Variants in DNAJC18 observed in about 807,000 individuals in gnomAD.
DNAJC18 encodes dnaJ homolog subfamily C member 18.
DNAJC18 carries 40 observed loss-of-function variants against 48.6 expected under a neutral mutation model. That is an observed-to-expected ratio of 0.82 (90% CI 0.64 to 1.07). The LOEUF is 1.07. Ranked by LOEUF, DNAJC18 falls within the 50% of genes least tolerant of loss-of-function variation. The pLI, the probability that DNAJC18 is intolerant of heterozygous loss-of-function variation, is 0.00. For synonymous variants in DNAJC18, 135 were observed against 152.2 expected, an observed-to-expected ratio of 0.89 and a Z score of 0.83; for missense variants, 340 against 427.7, an observed-to-expected ratio of 0.79 and a Z score of 1.81.
chr5:139,426,457 G>T, intron 3 of DNAJC18, 100 bp from the exon 4 acceptor site: 1 of 1,406,856 alleles, frequency 7.1e-7, no homozygotes, highest in Non-Finnish European at 9.5e-7. Flanking sequence ...ACTCGTGCTG[G>T]ACAACTTCGC....
chr5:139,423,442 T>A (rs1408075595), intron 5 of DNAJC18, among the ~76,000 whole-genome samples: 1 of 150,360 alleles, frequency 6.7e-6, no homozygotes, highest in East Asian at 2.0e-4. Flanking sequence ...CAGGCTAGAG[T>A]ACAGTGACAC....
intron 3 of DNAJC18, 34 bp from the exon 4 acceptor site, chr5:139,426,391 A>C (rs768145785): frequency 6.2e-7 from 1 of 1,608,910 alleles, no homozygotes; most frequent in South Asian, 1.1e-5. Context: ...ATGAGGACAC[A>C]GTCTTTGCTA....
chr5:139,438,235 G>A (rs1479959000), intron 1 of DNAJC18, among the ~76,000 whole-genome samples: 1 of 151,352 alleles, frequency 6.6e-6, no homozygotes, highest in African/African-American at 2.4e-5. Context: ...AGAATGGCGT[G>A]AACCCGGGAG....
chr5:139,439,481 C>T lies in DNAJC18; in HGVS notation c.-36G>A. 1 of 1,613,776 alleles carries T rather than the reference C, an allele frequency of 6.2e-7. No homozygotes were observed. Among genetic ancestry groups the T allele is most frequent in the Non-Finnish European group, 8.5e-7 (1 of 1,179,966 alleles). On this transcript the variant is annotated 5_prime_UTR_variant, in exon 1 of 8. Transcript: ENST00000302060. The surrounding 1 kb of genome is among the most constrained non-coding windows in gnomAD (Gnocchi z 4.1). ...AATCAGCAGGTCCGCCGAGCCTCCC[C>T]CGTGCCCGAGGCTGAAAGAGAAGGG...
In DNAJC18 at chr5:139,410,320, T is replaced by C. The variant is rs1444554015; in HGVS notation, c.*3828A>G. The C allele has an allele frequency of 6.6e-6, 1 of 152,208 alleles. No homozygotes were observed. The highest frequency in any genetic ancestry group is 1.5e-5 in the Non-Finnish European group (1 of 68,034). The allele number at this position is 152,208 out of a possible 1,614,324, so 9.4% of individuals were successfully genotyped here. ...CTTAGTCCACCAGGAGCTGATTCCA[T>C]TTGTGTCATCCCTACTCTGGTCACA... On this transcript the variant is annotated 3_prime_UTR_variant, in exon 8 of 8. Coordinates refer to ENST00000302060, the MANE Select transcript of DNAJC18 (RefSeq NM_152686.4).
chr5:139,427,674 C>A (rs1403538175), intron 3 of DNAJC18, among the ~76,000 whole-genome samples: 1 of 152,214 alleles, frequency 6.6e-6, no homozygotes, highest in Non-Finnish European at 1.5e-5. Flanking sequence ...GATCACAACA[C>A]CATTATCACA....
intron 3 of DNAJC18, 111 bp from the exon 4 acceptor site, chr5:139,426,468 AG>A: frequency 7.6e-7 from 1 of 1,320,198 alleles, no homozygotes; most frequent in Non-Finnish European, 1.0e-6. Flanking sequence ...ACAACTTCGC[AG>A]GGGCCCAAGA....
rs201744345 is a variant in DNAJC18 at position 139,439,424 on chromosome 5, C to G, written c.22G>C (p.Gly8Arg). 7.4e-6 allele frequency: 12 copies of G among 1,613,808 alleles called. No homozygotes were observed. The African/African-American group carries it at 8.0e-5, about 11-fold the overall frequency. Residue 8 changes from glycine (G) to arginine (R), a missense_variant, in exon 1 of 8, where the codon GGG (glycine) becomes CGG (arginine). Gly to Arg is a moderately radical substitution (Grantham distance 125, BLOSUM62 -2). Coordinates refer to ENST00000302060, the MANE Select transcript of DNAJC18 (RefSeq NM_152686.4). The surrounding 1 kb of genome is among the most constrained non-coding windows in gnomAD (Gnocchi z 4.1). The part of the protein sequence containing the change: MAATLGS[G>R]ERWTEAYIDA... ...CTAGTACCTTCCGTCCAGCGCTCCCCGCTGCCCAGAGTCGCCGCCATATCG... is the reference window on the plus strand; with the variant it reads ...CTAGTACCTTCCGTCCAGCGCTCCCGGCTGCCCAGAGTCGCCGCCATATCG...
intron 1 of DNAJC18, among the ~76,000 whole-genome samples, chr5:139,438,657 G>A (rs1046152023): frequency 3.3e-5 from 5 of 152,188 alleles, no homozygotes; most frequent in African/African-American, 1.2e-4. Flanking sequence ...CTCCTGGACA[G>A]TCTTCCTCTA....
chr5:139,425,749 T>C (rs1759230689), intron 4 of DNAJC18, among the ~76,000 whole-genome samples: 1 of 152,232 alleles, frequency 6.6e-6, no homozygotes, highest in Non-Finnish European at 1.5e-5. Context: ...TATCTTTTAA[T>C]AGCAACTCAT....
intron 2 of DNAJC18, among the ~76,000 whole-genome samples, chr5:139,432,858 C>T (rs1194934840): frequency 6.6e-6 from 1 of 152,206 alleles, no homozygotes; most frequent in African/African-American, 2.4e-5. Context: ...ACTGCATTTG[C>T]ACAAAATAGC....
chr5:139,419,171 T>TCC (rs1015737123), intron 7 of DNAJC18: 39 of 445,956 alleles, frequency 8.7e-5, no homozygotes, highest in African/African-American at 7.3e-4. Flanking sequence ...AAAGGGTACC[T>TCC]CCTGAAAAAT....
Position 139,437,497 on chromosome 5 carries a change from G to C in DNAJC18, c.102C>G (p.Asp34Glu), listed in dbSNP as rs1319383795. The C allele has an allele frequency of 6.2e-7, 1 of 1,614,104 alleles. No individual in the cohort carries two copies. The highest frequency in any genetic ancestry group is 1.7e-5 in the Admixed American group (1 of 60,006). Residue 34 changes from aspartate (D) to glutamate (E), a missense_variant, in exon 2 of 8, where the codon GAC becomes GAG. Transcript: ENST00000302060. ...YPEDTPPESH[D>E]PCGCCNCMKA... ...TCATGCAGTTACAGCAGCCACAGGGGTCATGACTCTCAGGAGGTGTGTCTT... is the reference window on the plus strand; with the variant it reads ...TCATGCAGTTACAGCAGCCACAGGGCTCATGACTCTCAGGAGGTGTGTCTT...
intron 1 of DNAJC18, among the ~76,000 whole-genome samples, chr5:139,438,363 A>G (rs1441112585): frequency 6.6e-6 from 1 of 150,976 alleles, no homozygotes; most frequent in Non-Finnish European, 1.5e-5. Flanking sequence ...CAATTTTTTT[A>G]AAGTTCATTA....
In DNAJC18 at chr5:139,439,494, TGAAAGA is replaced by T. The variant is rs773033905; in HGVS notation, c.-55_-50del. On this transcript the variant is annotated 5_prime_UTR_variant, in exon 1 of 8. Coordinates refer to ENST00000302060, the MANE Select transcript of DNAJC18 (RefSeq NM_152686.4). This position sits in a 1 kb window ranked among gnomAD's most constrained non-coding sequence, Gnocchi z 4.1. ...GCCGAGCCTCCCCCGTGCCCGAGGC[TGAAAGA>T]GAAGGGGGCGCGGAGCGCGGGGCAC... 4.3e-6 allele frequency: 7 copies of T among 1,613,422 alleles called. No individual in the cohort carries two copies. In the African/African-American group the frequency reaches 9.3e-5, roughly 22 times the overall value.
intron 2 of DNAJC18, among the ~76,000 whole-genome samples, chr5:139,432,002 T>C (rs1485442149): frequency 2.0e-5 from 3 of 152,222 alleles, no homozygotes; most frequent in African/African-American, 7.2e-5. Flanking sequence ...TGGAGGAATA[T>C]ATAGGAGGAA....
chr5:139,425,134 T>G lies in DNAJC18; in HGVS notation c.560-20A>C, dbSNP rs753659318. Reference sequence around the variant, plus strand: ...TATTTCCTGGAAAAGAAATACATGGTATGGGATATGGCAAACACTCCTTCC... The same window carrying G: ...TATTTCCTGGAAAAGAAATACATGGGATGGGATATGGCAAACACTCCTTCC... On this transcript the variant is annotated intron_variant, in intron 4 of 7. Coordinates refer to ENST00000302060, the MANE Select transcript of DNAJC18 (RefSeq NM_152686.4). 12 of 1,593,858 alleles carry G rather than the reference T, an allele frequency of 7.5e-6. No individual in the cohort carries two copies. The highest frequency in any genetic ancestry group is 1.0e-5 in the Non-Finnish European group (12 of 1,163,364).
intron 4 of DNAJC18, among the ~76,000 whole-genome samples, chr5:139,425,833 A>G (rs1759231935): frequency 6.6e-6 from 1 of 152,192 alleles, no homozygotes; most frequent in Admixed American, 6.5e-5. Flanking sequence ...CCTATCTTCT[A>G]TCTTTGTAAG....
chr5:139,430,113 A>T (rs1345676108), intron 2 of DNAJC18, among the ~76,000 whole-genome samples: 2 of 152,220 alleles, frequency 1.3e-5, no homozygotes, highest in African/African-American at 4.8e-5. Flanking sequence ...GCGAAAAAAA[A>T]TTACTGAAGA....
Sources: gnomAD v4.1 joint callset for allele counts (sites outside exome capture counted in the v4.1 genomes callset) on GRCh38, gnomAD v4.1.1 for gene constraint, Gnocchi (gnomAD v3.1) non-coding constraint, MANE v1.5 for transcripts, NCBI Gene and HGNC (gene_info 2026-07-23, HGNC 2026-07-21) for gene names.